Variants in SGMS1 observed in about 807,000 individuals in gnomAD.
The protein encoded by SGMS1 is sphingomyelin synthase 1.
SGMS1 carries 13 observed loss-of-function variants against 46.2 expected under a neutral mutation model. That is an observed-to-expected ratio of 0.28 (90% CI 0.18 to 0.45). The LOEUF (loss-of-function observed/expected upper bound fraction) is 0.45, where lower values mean the gene tolerates loss of function less well. Among genes scored for constraint, SGMS1 ranks in the 20% least tolerant of loss-of-function variants. The pLI, the probability that SGMS1 is intolerant of heterozygous loss-of-function variation, is 1.00. For missense variants in SGMS1, 324 were observed against 519.9 expected (o/e 0.62, Z 3.66); for synonymous variants, 203 against 187.8 (o/e 1.08, Z -0.66).
intron 4 of SGMS1, among the ~76,000 whole-genome samples, chr10:50,463,567 A>G (rs1837293488): frequency 6.6e-6 from 1 of 152,350 alleles, no homozygotes; most frequent in African/African-American, 2.4e-5. Flanking sequence ...ATATTGGTAC[A>G]CTGTTGGTGG....
upstream of SGMS1, chr10:50,625,050 C>T (rs924416914): frequency 1.0e-6 from 1 of 999,398 alleles, no homozygotes; most frequent in South Asian, 3.7e-5. Flanking sequence ...CTTTGGGCGC[C>T]GGACTCTGGC....
intron 7 of SGMS1, among the ~76,000 whole-genome samples, chr10:50,329,299 T>C (rs1376869001): frequency 6.6e-6 from 1 of 152,232 alleles, no homozygotes; most frequent in Non-Finnish European, 1.5e-5. Context: ...TACATAAAAT[T>C]GTTTTAATTA....
intron 2 of SGMS1, among the ~76,000 whole-genome samples, chr10:50,582,979 G>A (rs1484309407): frequency 6.6e-6 from 1 of 152,218 alleles, no homozygotes; most frequent in African/African-American, 2.4e-5. Context: ...CTGCCAGCAG[G>A]ACAGCTTTAA....
In SGMS1 at chr10:50,360,217, C is replaced by T. The variant is rs148846431; in HGVS notation, c.-231-15872G>A. Among the ~76,000 whole-genome samples the T allele has an allele frequency of 1.6e-3, 242 of 152,234 alleles. 1 individual carries two copies. Among genetic ancestry groups the T allele is most frequent in the African/African-American group, 5.0e-3 (207 of 41,536 alleles). On this transcript the variant is annotated intron_variant, in intron 6 of 10. Transcript: ENST00000361781. ...TATTCCCAAGACATAATGGTCCAGGCGTACAAGCCAAACCACCAAAAAAGA... is the reference window on the plus strand; with the variant it reads ...TATTCCCAAGACATAATGGTCCAGGTGTACAAGCCAAACCACCAAAAAAGA...
chr10:50,553,019 T>G (rs1838161286), intron 2 of SGMS1, among the ~76,000 whole-genome samples: 1 of 152,192 alleles, frequency 6.6e-6, no homozygotes, highest in Non-Finnish European at 1.5e-5. Flanking sequence ...GCCCTGCCAA[T>G]GCCTTGATTA....
intron 5 of SGMS1, among the ~76,000 whole-genome samples, chr10:50,457,239 G>C (rs1489700060): frequency 6.6e-6 from 1 of 152,040 alleles, no homozygotes. Context: ...TTTTAAGTTT[G>C]CATTTTAAAA....
intron 2 of SGMS1, among the ~76,000 whole-genome samples, chr10:50,530,776 C>T (rs137929302): frequency 3.7e-4 from 57 of 152,186 alleles, no homozygotes; most frequent in Non-Finnish European, 4.4e-4. Context: ...TGAACCACTG[C>T]GTCCTCTTTT....
intron 3 of SGMS1, among the ~76,000 whole-genome samples, chr10:50,512,064 C>T (rs922741377): frequency 6.6e-6 from 1 of 152,082 alleles, no homozygotes; most frequent in African/African-American, 2.4e-5. Context: ...CATAGTAGGG[C>T]TTTGAGGGAG....
intron 3 of SGMS1, among the ~76,000 whole-genome samples, chr10:50,515,986 T>C (rs765270555): frequency 1.2e-4 from 18 of 152,176 alleles, no homozygotes; most frequent in Non-Finnish European, 1.9e-4. Context: ...ATAATTAGAC[T>C]AGTATTACAA....
chr10:50,480,939 C>A (rs1395539098), intron 3 of SGMS1, among the ~76,000 whole-genome samples: 4 of 151,942 alleles, frequency 2.6e-5, no homozygotes, highest in African/African-American at 9.7e-5. Flanking sequence ...AGATCCATCC[C>A]TTCTTACTGG....
intron 6 of SGMS1, among the ~76,000 whole-genome samples, chr10:50,400,014 G>A (rs1848909256): frequency 6.8e-6 from 1 of 147,612 alleles, no homozygotes; most frequent in Non-Finnish European, 1.5e-5. Context: ...GGGCGACACA[G>A]TGAGACTCCT....
intron 5 of SGMS1, among the ~76,000 whole-genome samples, chr10:50,455,331 C>T (rs1472573995): frequency 3.3e-5 from 5 of 152,186 alleles, no homozygotes; most frequent in African/African-American, 9.7e-5. Context: ...TTACCCCTTT[C>T]CTGATGGAGA....
chr10:50,620,898 A>ATAC (rs1315432153), intron 1 of SGMS1, among the ~76,000 whole-genome samples: 5 of 152,160 alleles, frequency 3.3e-5, no homozygotes, highest in Admixed American at 2.0e-4. Flanking sequence ...AATAATAATA[A>ATAC]TACTGCTAGG....
At chr10:50,490,022 T>C (rs550943806) in intron 3 of SGMS1, among the ~76,000 whole-genome samples, 161 of 152,240 alleles carry the variant, frequency 1.1e-3, no homozygotes, top group Non-Finnish European at 1.9e-3. Flanking sequence ...GTCAAATACA[T>C]TTGCCTGAAG....
chr10:50,579,659 C>T (rs1221392515), intron 2 of SGMS1, among the ~76,000 whole-genome samples: 3 of 152,098 alleles, frequency 2.0e-5, no homozygotes, highest in South Asian at 4.1e-4. Flanking sequence ...GTAAATTAAA[C>T]GTGAATGTGA....
intron 3 of SGMS1, among the ~76,000 whole-genome samples, chr10:50,481,583 ACT>A (rs1837477466): frequency 6.6e-6 from 1 of 152,126 alleles, no homozygotes; most frequent in Non-Finnish European, 1.5e-5. Flanking sequence ...CAACTCAAAA[ACT>A]CTGAAAACTG....
intron 6 of SGMS1, among the ~76,000 whole-genome samples, chr10:50,427,223 C>G (rs1462499218): frequency 6.6e-6 from 1 of 152,002 alleles, no homozygotes; most frequent in African/African-American, 2.4e-5. Flanking sequence ...ATGTTGAAAC[C>G]CCGTCTCTAC....
At chr10:50,308,638 T>C (rs1008266165) in intron 9 of SGMS1, among the ~76,000 whole-genome samples, 3 of 152,078 alleles carry the variant, frequency 2.0e-5, no homozygotes, top group Non-Finnish European at 2.9e-5. Context: ...GAGATTTTCA[T>C]TTCTCAAATA....
chr10:50,320,895 A>G lies in SGMS1; in HGVS notation c.741+6310T>C, dbSNP rs182914395. The stretch of plus-strand genomic sequence containing the variant: ...GCATCCATGGCAAATGGCTCTGCAA[A>G]TCTACTACAGGGAGTCAGAGGGGGA... On this transcript the variant is annotated intron_variant, in intron 8 of 10. Transcript: ENST00000361781. Among the ~76,000 whole-genome samples the G allele has an allele frequency of 2.0e-5, 3 of 152,268 alleles. No homozygotes were observed. In the East Asian group the frequency reaches 5.8e-4, roughly 29 times the overall value.
Sources: allele counts gnomAD v4.1 joint callset (sites outside exome capture counted in the v4.1 genomes callset), GRCh38; gene constraint gnomAD v4.1.1; transcripts MANE v1.5; gene names NCBI Gene and HGNC (gene_info 2026-07-23, HGNC 2026-07-21).